The following RANBP10 variants were observed in gnomAD, a reference collection of about 807,000 sequenced individuals.
The protein encoded by RANBP10 is ran-binding protein 10.
In RANBP10, 24 loss-of-function variants were observed where a neutral mutation model predicts 72.8. That is an observed-to-expected ratio of 0.33 (90% CI 0.24 to 0.46). The LOEUF is 0.46. Ranked by LOEUF, RANBP10 falls within the 20% of genes least tolerant of loss-of-function variation. The pLI, the probability that RANBP10 is intolerant of heterozygous loss-of-function variation, is 1.00. For synonymous variants in RANBP10, 310 were observed against 322.3 expected, an observed-to-expected ratio of 0.96 and a Z score of 0.41; for missense variants, 679 against 817.5, an observed-to-expected ratio of 0.83 and a Z score of 2.07.
At position 67,806,316 on chromosome 16, in the gene RANBP10, C is replaced by T. The variant is rs1358836132; in HGVS notation, c.221G>A (p.Arg74His). 6.2e-7 allele frequency: 1 copy of T among 1,612,472 alleles called. No individual in the cohort carries two copies. Among genetic ancestry groups the T allele is most frequent in the East Asian group, 2.2e-5 (1 of 44,818 alleles). ...CGGGCCGATACCTTTGTAGTGGACG[C>T]GGAGGTTGCCCTGGGAGAGACCAAT... ...NYIGLSQGNL[R>H]VHYKGHGKNH... The change falls in exon 1 of 14, where the codon CGC (arginine) becomes CAC (histidine). Residue 74 changes from arginine (R) to histidine (H), a missense_variant. Physicochemically the swap from Arg to His is conservative, Grantham distance 29. Transcript: ENST00000317506.
At chr16:67,756,215 C>T (rs918738959) in intron 3 of RANBP10, among the ~76,000 whole-genome samples, 1 of 152,256 alleles carries the variant, frequency 6.6e-6, no homozygotes, top group African/African-American at 2.4e-5. Flanking sequence ...CAGCAGCCCA[C>T]CCATGCCACT....
chr16:67,779,927 G>C (rs1355870522), intron 2 of RANBP10, among the ~76,000 whole-genome samples: 1 of 152,112 alleles, frequency 6.6e-6, no homozygotes, highest in Non-Finnish European at 1.5e-5. Flanking sequence ...GAGGATCATG[G>C]TCCACTCAAA....
intron 2 of RANBP10, among the ~76,000 whole-genome samples, chr16:67,788,251 T>C (rs1258035978): frequency 6.6e-6 from 1 of 151,378 alleles, no homozygotes; most frequent in Non-Finnish European, 1.5e-5. Flanking sequence ...GCCTGGCCTC[T>C]ACAAATTTTT....
At chr16:67,782,551 A>C (rs2143015526) in intron 2 of RANBP10, among the ~76,000 whole-genome samples, 1 of 152,160 alleles carries the variant, frequency 6.6e-6, no homozygotes, top group Non-Finnish European at 1.5e-5. Context: ...TCCCAGGTTC[A>C]GGCAATTCTC....
chr16:67,799,799 G>A (rs951964474), intron 2 of RANBP10, among the ~76,000 whole-genome samples: 1 of 151,996 alleles, frequency 6.6e-6, no homozygotes, highest in African/African-American at 2.4e-5. Flanking sequence ...ACCACCGGTG[G>A]GGCCTCATGC....
intron 3 of RANBP10, among the ~76,000 whole-genome samples, chr16:67,756,811 T>C (rs546865097): frequency 6.6e-6 from 1 of 152,298 alleles, no homozygotes; most frequent in African/African-American, 2.4e-5. Flanking sequence ...CATCACTCAC[T>C]GTGGGTCAGA....
At position 67,772,090 on chromosome 16, in the gene RANBP10, C is replaced by CAAAAAAAAAAAA; in HGVS notation, c.348-16_348-5dup. On this transcript the variant is annotated splice_polypyrimidine_tract_variant and splice_region_variant and intron_variant, in intron 2 of 13. Transcript: ENST00000317506. Reference sequence around the variant, plus strand: ...CGAGAGTCCTATTCCCATGTAACTTCAAAAAAAAAAAAAAAAAAAACACAA... The same window carrying CAAAAAAAAAAAA: ...CGAGAGTCCTATTCCCATGTAACTTCAAAAAAAAAAAAAAAAAAAAAAAAAAAAAAAACACAA... 6.1e-6 allele frequency: 8 copies of CAAAAAAAAAAAA among 1,316,424 alleles called. 2 individuals are homozygous for CAAAAAAAAAAAA. The highest frequency in any genetic ancestry group is 7.8e-6 in the Non-Finnish European group (8 of 1,023,880). The allele number at this position is 1,316,424 out of a possible 1,614,324, so 81.5% of individuals were successfully genotyped here.
chr16:67,802,800 T>G (rs927800445), intron 2 of RANBP10, among the ~76,000 whole-genome samples: 4 of 152,138 alleles, frequency 2.6e-5, no homozygotes, highest in African/African-American at 9.7e-5. Context: ...CGACTAAAAC[T>G]GAAATGTTAA....
chr16:67,731,167 T>C lies in RANBP10; in HGVS notation c.889+305A>G, dbSNP rs975909626. The C allele has an allele frequency of 3.3e-5, 11 of 330,672 alleles. No individual in the cohort carries two copies. The Admixed American group carries it at 5.1e-4, about 15-fold the overall frequency. The allele number at this position is 330,672 out of a possible 1,614,324, so 20.5% of individuals were successfully genotyped here. A position where few individuals can be genotyped will look rare whatever the true frequency, so the allele number is the denominator to read the frequency against. Reference sequence around the variant, plus strand: ...CAGGAGGTTGAGAGGAATCCAGGATTCAGGGGGAAGGAAACAAGCAGGGAG... The same window carrying C: ...CAGGAGGTTGAGAGGAATCCAGGATCCAGGGGGAAGGAAACAAGCAGGGAG... On this transcript the variant is annotated intron_variant, in intron 7 of 13. Transcript: ENST00000317506.
At chr16:67,769,621 C>T (rs1396911713) in intron 3 of RANBP10, among the ~76,000 whole-genome samples, 4 of 150,614 alleles carry the variant, frequency 2.7e-5, no homozygotes, top group Admixed American at 6.6e-5. Context: ...TGGCAGGCAC[C>T]TGTAATCCCA....
intron 2 of RANBP10, among the ~76,000 whole-genome samples, chr16:67,781,612 A>G (rs1452640068): frequency 6.6e-6 from 1 of 152,190 alleles, no homozygotes; most frequent in Non-Finnish European, 1.5e-5. Context: ...GAGAAGAAAT[A>G]TCATGCCAGA....
intron 3 of RANBP10, among the ~76,000 whole-genome samples, chr16:67,768,006 C>T (rs2054536241): frequency 6.7e-6 from 1 of 149,360 alleles, no homozygotes; most frequent in Non-Finnish European, 1.5e-5. Context: ...GTCAAAGTTG[C>T]AGTGAACCAT....
At chr16:67,766,849 C>A (rs2054511765) in intron 3 of RANBP10, among the ~76,000 whole-genome samples, 1 of 152,158 alleles carries the variant, frequency 6.6e-6, no homozygotes, top group Admixed American at 6.5e-5. Flanking sequence ...GCCCTGTATT[C>A]TGGAAAAGCC....
At chr16:67,745,325 C>G (rs913659687) in intron 3 of RANBP10, among the ~76,000 whole-genome samples, 2 of 150,922 alleles carry the variant, frequency 1.3e-5, no homozygotes, top group Admixed American at 6.6e-5. Flanking sequence ...AAGATTCTCT[C>G]TTTTATTTTT....
intron 3 of RANBP10, among the ~76,000 whole-genome samples, chr16:67,747,580 C>T (rs1036319113): frequency 5.3e-5 from 8 of 152,078 alleles, no homozygotes; most frequent in African/African-American, 1.7e-4. Flanking sequence ...CTCAGCTCAC[C>T]ACAATCTCCA....
intron 3 of RANBP10, among the ~76,000 whole-genome samples, chr16:67,765,219 A>AC (rs1368772400): frequency 6.6e-6 from 1 of 150,754 alleles, no homozygotes; most frequent in Non-Finnish European, 1.5e-5. Flanking sequence ...AAAAAAAAAA[A>AC]AAAAAAAAAC....
At chr16:67,797,852 T>C (rs1399823728) in intron 2 of RANBP10, among the ~76,000 whole-genome samples, 1 of 151,572 alleles carries the variant, frequency 6.6e-6, no homozygotes, top group Admixed American at 6.6e-5. Context: ...TAGCCAGGCA[T>C]GATGGCATGC....
chr16:67,801,135 G>T (rs1444073028), intron 2 of RANBP10, among the ~76,000 whole-genome samples: 1 of 152,156 alleles, frequency 6.6e-6, no homozygotes, highest in Non-Finnish European at 1.5e-5. Flanking sequence ...GGAGAACAAT[G>T]ACACTAACAA....
intron 3 of RANBP10, among the ~76,000 whole-genome samples, chr16:67,760,249 G>T (rs1035828377): frequency 6.6e-6 from 1 of 152,212 alleles, no homozygotes; most frequent in Non-Finnish European, 1.5e-5. Flanking sequence ...AGGGAGGAAC[G>T]ATATCAAACA....
Sources: gnomAD v4.1 joint callset for allele counts (sites outside exome capture counted in the v4.1 genomes callset) on GRCh38, gnomAD v4.1.1 for gene constraint, MANE v1.5 for transcripts, NCBI Gene and HGNC (gene_info 2026-07-23, HGNC 2026-07-21) for gene names.